Variants in CASP14 observed in about 807,000 individuals in gnomAD.
CASP14 encodes the protein caspase 14.
A neutral mutation model predicts 28.4 loss-of-function variants in CASP14; 27 were observed. The ratio of observed to expected loss-of-function variants is 0.95; its 90% CI spans 0.70 to 1.31. The LOEUF is 1.31. CASP14 is among the 50% of genes most tolerant of loss of function. The pLI is 0.00. For synonymous variants in CASP14, 115 were observed against 118.6 expected (o/e 0.97, Z 0.20); for missense variants, 323 against 312.8 (o/e 1.03, Z -0.25).
chr19:15,053,886 G>A lies in CASP14; in HGVS notation c.331G>A (p.Ala111Thr), dbSNP rs369011733. ...EMVKLENLFE[A>T]LNNKNCQALR... ...GGTCAAGCTGGAGAATCTCTTCGAGGCCCTGAACAACAAGAACTGCCAGGC... is the reference window on the plus strand; with the variant it reads ...GGTCAAGCTGGAGAATCTCTTCGAGACCCTGAACAACAAGAACTGCCAGGC... The change falls in exon 4 of 7, where the codon GCC becomes ACC. Residue 111 changes from alanine (A) to threonine (T), a missense_variant. Physicochemically the swap from Ala to Thr is moderately conservative, Grantham distance 58. Transcript: ENST00000427043. The A allele has an allele frequency of 3.0e-5, 49 of 1,613,996 alleles. No individual in the cohort carries two copies. The highest frequency in any genetic ancestry group is 3.9e-5 in the Non-Finnish European group (46 of 1,180,020).
chr19:15,050,650 CAGAG>C (rs2046086165), intron 1 of CASP14, among the ~76,000 whole-genome samples: 1 of 150,412 alleles, frequency 6.6e-6, no homozygotes, highest in Admixed American at 6.6e-5. Context: ...GGATGGAAGA[CAGAG>C]AGAGATAATG....
In CASP14 at chr19:15,055,063, C is replaced by G. The variant is rs951189914; in HGVS notation, c.404-95C>G. ...CAAGTGATCCTCCTGCTTCAGCCCC[C>G]CAAAACACTGGGAATACAGGTGTGA... On this transcript the variant is annotated intron_variant, in intron 4 of 6. Transcript: ENST00000427043. 7 of 916,890 alleles carry G rather than the reference C, an allele frequency of 7.6e-6. No homozygotes were observed. In the African/African-American group the frequency reaches 9.7e-5, roughly 13 times the overall value. The allele number at this position is 916,890 out of a possible 1,614,324, so 56.8% of individuals were successfully genotyped here.
At chr19:15,052,096 C>T (rs1452218804) in intron 1 of CASP14, 110 bp from the exon 2 acceptor site, 6 of 688,912 alleles carry the variant, frequency 8.7e-6, no homozygotes, top group Non-Finnish European at 1.5e-5. Flanking sequence ...CAAATCCCCA[C>T]CACTTGAGTG....
chr19:15,049,845 T>A (rs886491410), intron 1 of CASP14, among the ~76,000 whole-genome samples, 200 bp downstream of exon 1: 6 of 152,070 alleles, frequency 3.9e-5, no homozygotes, highest in Non-Finnish European at 5.9e-5. Flanking sequence ...GTTCATTTTT[T>A]TCTTATTTGT....
At position 15,053,632 on chromosome 19, in the gene CASP14, G is replaced by A; in HGVS notation, c.177+1G>A. On this transcript the variant is annotated splice_donor_variant, in intron 3 of 6. Transcript: ENST00000427043. LOFTEE classifies it high-confidence loss of function. ...CATGAAAAGAGACCCCACTGCCGAG[G>A]TATTGGGGTGCCTACTCCAGGCCTG... 2 of 1,614,174 alleles carry A rather than the reference G, an allele frequency of 1.2e-6. No homozygotes were observed. The highest frequency in any genetic ancestry group is 2.2e-5 in the East Asian group (1 of 44,872).
Position 15,057,403 on chromosome 19 carries a change from C to A in CASP14, c.*1314C>A, listed in dbSNP as rs1476231063. On this transcript the variant is annotated 3_prime_UTR_variant, in exon 7 of 7. Coordinates refer to ENST00000427043, the MANE Select transcript of CASP14 (RefSeq NM_012114.3). The stretch of plus-strand genomic sequence containing the variant: ...CCAGTCCAGCCTGATTTTGAAACAA[C>A]TTTCATGCCGGTCTTCTCTTCCCTG... 6.6e-6 allele frequency: 1 copy of A among 152,378 alleles called. No homozygotes were observed. The highest frequency in any genetic ancestry group is 1.5e-5 in the Non-Finnish European group (1 of 68,128). The allele number at this position is 152,378 out of a possible 1,614,324, so 9.4% of individuals were successfully genotyped here.
rs559517962 is a variant in CASP14, at chr19:15,056,221, A to G, written c.*132A>G. 3.3e-4 allele frequency: 226 copies of G among 687,918 alleles called. No homozygotes were observed. The highest frequency in any genetic ancestry group is 5.4e-4 in the Non-Finnish European group (213 of 394,832). The allele number at this position is 687,918 out of a possible 1,614,324, so 42.6% of individuals were successfully genotyped here. A position where few individuals can be genotyped will look rare whatever the true frequency, so the allele number is the denominator to read the frequency against. On this transcript the variant is annotated 3_prime_UTR_variant, in exon 7 of 7. Transcript: ENST00000427043. Reference sequence around the variant, plus strand: ...TGGCACCCAGTTTCTTTTCCATCACACCCTTCATGCAGGTCCTCCTGTCCT... The same window carrying G: ...TGGCACCCAGTTTCTTTTCCATCACGCCCTTCATGCAGGTCCTCCTGTCCT...
At chr19:15,050,309 A>G (rs35785415) in intron 1 of CASP14, among the ~76,000 whole-genome samples, 1 of 67,802 alleles carries the variant, frequency 1.5e-5, no homozygotes, top group Non-Finnish European at 4.0e-5. Context: ...TGTGTGTGTG[A>G]GTGTGTGTGT....
intron 6 of CASP14, 34 bp from the exon 7 acceptor site, chr19:15,055,947 CACTG>C (rs1300336923): frequency 1.3e-6 from 2 of 1,533,364 alleles, no homozygotes; most frequent in African/African-American, 2.7e-5. Context: ...AAGTCCATGA[CACTG>C]ACTCCTCCAA....
Position 15,052,280 on chromosome 19 carries a change from T to C in CASP14, c.27+2T>C. On this transcript the variant is annotated splice_donor_variant, in intron 2 of 6. Coordinates refer to ENST00000427043, the MANE Select transcript of CASP14 (RefSeq NM_012114.3). LOFTEE classifies it high-confidence loss of function. The stretch of plus-strand genomic sequence containing the variant: ...AGCAATCCGCGGTCTTTGGAAGAGG[T>C]AGGCTGGGTGCAGGTTGAGGGGAGG... 6.3e-7 allele frequency: 1 copy of C among 1,586,734 alleles called. No individual in the cohort carries two copies. The highest frequency in any genetic ancestry group is 8.6e-7 in the Non-Finnish European group (1 of 1,168,344).
chr19:15,055,951 G>T lies in CASP14; in HGVS notation c.625-34G>T, dbSNP rs73518121. On this transcript the variant is annotated intron_variant, in intron 6 of 6. Coordinates refer to ENST00000427043, the MANE Select transcript of CASP14 (RefSeq NM_012114.3). ...CCTCCCCCCATAAGTCCATGACACT[G>T]ACTCCTCCAAGCTCACCACACCTGT... 129,225 of 1,548,584 alleles carry T rather than the reference G, an allele frequency of 0.083. 6,322 individuals carry two copies. The highest frequency in any genetic ancestry group is 0.2 in the African/African-American group (14,811 of 73,544).
In CASP14 at chr19:15,056,032, A is replaced by C; in HGVS notation, c.672A>C (p.Ala224=). 1 of 1,609,262 alleles carries C rather than the reference A, an allele frequency of 6.2e-7. No homozygotes were observed. Reference sequence around the variant, plus strand: ...CAGAGCTGGTTCAAGAAGGAAAAGCAAGGAAAACGAACCCTGAAATCCAAA... The same window carrying C: ...CAGAGCTGGTTCAAGAAGGAAAAGCCAGGAAAACGAACCCTGAAATCCAAA... ...AEAELVQEGK[A]RKTNPEIQST... Residue 224 remains alanine (A), a synonymous_variant, in exon 7 of 7, where the codon GCA becomes GCC. Coordinates refer to ENST00000427043, the MANE Select transcript of CASP14 (RefSeq NM_012114.3).
At chr19:15,054,020 C>A in intron 4 of CASP14, 62 bp downstream of exon 4, 1 of 1,390,164 alleles carries the variant, frequency 7.2e-7, no homozygotes, top group Non-Finnish European at 1.0e-6. Context: ...TTTTTTGAGA[C>A]AGCACCCAGG....
rs756611657 is a variant in CASP14 at position 15,055,935 on chromosome 19, A to G, written c.625-50A>G. 5.7e-5 allele frequency: 83 copies of G among 1,461,286 alleles called. No homozygotes were observed. In the Admixed American group the frequency reaches 8.6e-4, roughly 15 times the overall value. The allele number at this position is 1,461,286 out of a possible 1,614,324, so 90.5% of individuals were successfully genotyped here. A position where few individuals can be genotyped will look rare whatever the true frequency, so the allele number is the denominator to read the frequency against. On this transcript the variant is annotated intron_variant, in intron 6 of 6. Transcript: ENST00000427043. ...TGCCCCGTTCCCTAACCCTCCCCCC[A>G]TAAGTCCATGACACTGACTCCTCCA...
intron 4 of CASP14, 131 bp from the exon 5 acceptor site, chr19:15,055,027 G>T (rs2046109294): frequency 1.3e-5 from 9 of 689,796 alleles, no homozygotes; most frequent in Non-Finnish European, 2.4e-5. Flanking sequence ...GCAGCCTCAA[G>T]CTCCCAGGTT....
intron 6 of CASP14, 29 bp from the exon 7 acceptor site, chr19:15,055,956 C>T: frequency 6.4e-7 from 1 of 1,572,940 alleles, no homozygotes; most frequent in Non-Finnish European, 8.7e-7. Flanking sequence ...ACACTGACTC[C>T]TCCAAGCTCA....
Position 15,053,250 on chromosome 19 carries a change from G to A in CASP14, c.28-232G>A, listed in dbSNP as rs559283523. On this transcript the variant is annotated intron_variant, in intron 2 of 6. Coordinates refer to ENST00000427043, the MANE Select transcript of CASP14 (RefSeq NM_012114.3). ...AGCCTCCAAAGTAGCTGGGACCACA[G>A]ATGCACAGCAGCACACCCAGCTATA... is the stretch of plus-strand genomic sequence containing the variant. Among the ~76,000 whole-genome samples the A allele has an allele frequency of 1.3e-3, 201 of 152,204 alleles. 1 individual carries two copies. Among genetic ancestry groups the A allele is most frequent in the African/African-American group, 4.6e-3 (191 of 41,544 alleles).
At chr19:15,049,909 G>A (rs2046081832) in intron 1 of CASP14, among the ~76,000 whole-genome samples, 1 of 152,102 alleles carries the variant, frequency 6.6e-6, no homozygotes, top group Non-Finnish European at 1.5e-5. Context: ...CACACTGTTG[G>A]CCATGATGGA....
intron 6 of CASP14, 29 bp downstream of exon 6, chr19:15,055,562 C>A: frequency 6.5e-7 from 1 of 1,540,978 alleles, no homozygotes; most frequent in Non-Finnish European, 9.0e-7. Context: ...GCTGGGACCA[C>A]CGCCCAGGCC....
Sources: allele counts gnomAD v4.1 joint callset (sites outside exome capture counted in the v4.1 genomes callset), GRCh38; gene constraint gnomAD v4.1.1; transcripts MANE v1.5; gene names NCBI Gene and HGNC (gene_info 2026-07-23, HGNC 2026-07-21).